The following EBI3 variants were observed in gnomAD, a reference collection of about 807,000 sequenced individuals.
EBI3 encodes Epstein-Barr virus induced 3, also known as interleukin-27 subunit beta.
In EBI3, 19 loss-of-function variants were observed where a neutral mutation model predicts 21.3. The observed-to-expected ratio is 0.89, with a 90% CI of 0.62 to 1.31. The LOEUF (loss-of-function observed/expected upper bound fraction) is 1.31, where lower values mean the gene tolerates loss of function less well. EBI3 is among the 50% of genes most tolerant of loss of function. EBI3 has a pLI of 0.00. For missense variants in EBI3, 331 were observed against 314.0 expected (o/e 1.05, Z -0.41); for synonymous variants, 154 against 131.2 (o/e 1.17, Z -1.19).
At chr19:4,231,048 T>C (rs923146724) in intron 1 of EBI3, 143 bp from the exon 2 acceptor site, 9 of 1,126,078 alleles carry the variant, frequency 8.0e-6, no homozygotes, top group East Asian at 5.9e-5. Context: ...CTTTTGTCCA[T>C]GTACCTATTT....
chr19:4,233,298 G>A lies in EBI3; in HGVS notation c.370G>A (p.Glu124Lys). The A allele has an allele frequency of 6.6e-7, 1 of 1,508,638 alleles. No individual in the cohort carries two copies. Among genetic ancestry groups the A allele is most frequent in the Non-Finnish European group, 9.0e-7 (1 of 1,111,644 alleles). 93.5% of individuals were successfully genotyped at this position (1,508,638 alleles called of 1,614,324 possible). A position where few individuals can be genotyped will look rare whatever the true frequency, so the allele number is the denominator to read the frequency against. ...SSSSFVPFIT[E>K]HIIKPDPPEG... ...CAGCAGCTTCGTGCCTTTCATAACA[G>A]AGCACATCAGTGAGTGGGGGCGGCA... Residue 124 changes from glutamate to lysine, a missense_variant, in exon 3 of 5, where the codon GAG becomes AAG. Transcript: ENST00000221847.
Position 4,237,095 on chromosome 19 carries a change from C to A in EBI3, c.*7C>A. 6.6e-7 allele frequency: 1 copy of A among 1,504,484 alleles called. No homozygotes were observed. Among genetic ancestry groups the A allele is most frequent in the South Asian group, 1.3e-5 (1 of 76,980 alleles). The allele number at this position is 1,504,484 out of a possible 1,614,324, so 93.2% of individuals were successfully genotyped here. A position where few individuals can be genotyped will look rare whatever the true frequency, so the allele number is the denominator to read the frequency against. On this transcript the variant is annotated 3_prime_UTR_variant, in exon 5 of 5. Coordinates refer to ENST00000221847, the MANE Select transcript of EBI3 (RefSeq NM_005755.3). ...AATGAGCCTGGGCAAGTAGCAAGGGCTTCCCGCTGCCTCCAGACAGCACCT... is the reference window on the plus strand; with the variant it reads ...AATGAGCCTGGGCAAGTAGCAAGGGATTCCCGCTGCCTCCAGACAGCACCT...
chr19:4,231,316 A>G lies in EBI3; in HGVS notation c.193A>G (p.Thr65Ala). ...NSTSPVSFIATYRLGMAARGH... is the reference protein window; with the variant it reads ...NSTSPVSFIAAYRLGMAARGH... ...CACCAGCCCCGTGTCCTTCATTGCCACGTACAGGTCGGAGAGCCTGGAAGG... is the reference window on the plus strand; with the variant it reads ...CACCAGCCCCGTGTCCTTCATTGCCGCGTACAGGTCGGAGAGCCTGGAAGG... The change falls in exon 2 of 5, where the codon ACG becomes GCG. Residue 65 changes from threonine to alanine, a missense_variant. Transcript: ENST00000221847. 6.2e-7 allele frequency: 1 copy of G among 1,609,728 alleles called. No homozygotes were observed. The highest frequency in any genetic ancestry group is 1.1e-5 in the South Asian group (1 of 90,758).
chr19:4,233,258 C>T lies in EBI3; in HGVS notation c.330C>T (p.His110=). 6.2e-7 allele frequency: 1 copy of T among 1,612,932 alleles called. No individual in the cohort carries two copies. Among genetic ancestry groups the T allele is most frequent in the Non-Finnish European group, 8.5e-7 (1 of 1,179,770 alleles). ...APYVLNVTAV[H]PWGSSSSFVP... Reference sequence around the variant, plus strand: ...ACGTGCTCAATGTCACCGCCGTCCACCCCTGGGGCTCCAGCAGCAGCTTCG... The same window carrying T: ...ACGTGCTCAATGTCACCGCCGTCCATCCCTGGGGCTCCAGCAGCAGCTTCG... The change falls in exon 3 of 5, where the codon CAC becomes CAT. Residue 110 remains histidine (H), a synonymous_variant. Coordinates refer to ENST00000221847, the MANE Select transcript of EBI3 (RefSeq NM_005755.3).
Position 4,234,670 on chromosome 19 carries a change from A to C in EBI3, c.383A>C (p.Lys128Thr), listed in dbSNP as rs769510715. Residue 128 changes from lysine (K) to threonine (T), a missense_variant, in exon 4 of 5, where the codon AAG becomes ACG. Transcript: ENST00000221847. Reference sequence around the variant, plus strand: ...CTGCTTCCTGCTTGTCCGTCAGTCAAGCCCGACCCTCCAGAAGGCGTGCGC... The same window carrying C: ...CTGCTTCCTGCTTGTCCGTCAGTCACGCCCGACCCTCCAGAAGGCGTGCGC... ...FVPFITEHIIKPDPPEGVRLS... is the reference protein window; with the variant it reads ...FVPFITEHIITPDPPEGVRLS... 1.9e-6 allele frequency: 3 copies of C among 1,612,672 alleles called. No homozygotes were observed. The highest frequency in any genetic ancestry group is 2.2e-5 in the South Asian group (2 of 91,000).
Position 4,229,558 on chromosome 19 carries a change from C to T in EBI3, c.8C>T (p.Pro3Leu), listed in dbSNP as rs200507472. Residue 3 changes from proline to leucine, a missense_variant, in exon 1 of 5, where the codon CCG becomes CTG. Pro to Leu is a moderately conservative substitution (Grantham distance 98). Coordinates refer to ENST00000221847, the MANE Select transcript of EBI3 (RefSeq NM_005755.3). MT[P>L]QLLLALVLWA... Reference sequence around the variant, plus strand: ...GCAGAGCTGGCCGCAGCCATGACCCCGCAGCTTCTCCTGGCCCTTGTCCTC... The same window carrying T: ...GCAGAGCTGGCCGCAGCCATGACCCTGCAGCTTCTCCTGGCCCTTGTCCTC... The T allele has an allele frequency of 3.0e-5, 48 of 1,611,118 alleles. No individual in the cohort carries two copies. Among genetic ancestry groups the T allele is most frequent in the African/African-American group, 1.3e-4 (10 of 75,022 alleles).
Position 4,237,205 on chromosome 19 carries a change from G to A in EBI3, c.*117G>A. 1 of 1,283,624 alleles carries A rather than the reference G, an allele frequency of 7.8e-7. No individual in the cohort carries two copies. The highest frequency in any genetic ancestry group is 1.0e-6 in the Non-Finnish European group (1 of 989,092). 79.5% of individuals were successfully genotyped at this position (1,283,624 alleles called of 1,614,324 possible). ...CCTGGGCTGGAGTCCTTGCTTTGCT[G>A]CTGCTGAGCTGCCGGGCAACCTCAG... On this transcript the variant is annotated 3_prime_UTR_variant, in exon 5 of 5. Transcript: ENST00000221847.
chr19:4,236,543 AGCATGGTT>A (rs1970839969), intron 4 of EBI3, among the ~76,000 whole-genome samples: 1 of 149,674 alleles, frequency 6.7e-6, no homozygotes, highest in African/African-American at 2.5e-5. Context: ...AAAAAAAAAA[AGCATGGTT>A]AATATAGTGG....
intron 3 of EBI3, 59 bp downstream of exon 3, chr19:4,233,366 C>A: frequency 2.7e-6 from 4 of 1,506,396 alleles, no homozygotes; most frequent in Admixed American, 4.1e-5. Context: ...CAGCTCCCCC[C>A]ACCCCACCTC....
At chr19:4,229,730 G>A in intron 1 of EBI3, 113 bp downstream of exon 1, 1 of 1,140,658 alleles carries the variant, frequency 8.8e-7, no homozygotes, top group Non-Finnish European at 1.2e-6. Context: ...CCAATGGTGG[G>A]ATGGGGTTAC....
At chr19:4,232,246 GAAAAGAAAAGAAAAGA>G (rs1970791410) in intron 2 of EBI3, among the ~76,000 whole-genome samples, 1 of 65,852 alleles carries the variant, frequency 1.5e-5, no homozygotes, top group African/African-American at 5.8e-5. Flanking sequence ...AAAAAAAAAA[GAAAAGAAAAGAAAAGA>G]AAAGAAAAGA....
chr19:4,232,796 GAATT>G (rs1367767048), intron 2 of EBI3, among the ~76,000 whole-genome samples: 1 of 148,310 alleles, frequency 6.7e-6, no homozygotes, highest in Non-Finnish European at 1.5e-5. Flanking sequence ...ATGAAGGAAT[GAATT>G]AATGAATGAA....
At position 4,234,700 on chromosome 19, in the gene EBI3, GC is replaced by G. The variant is rs1970820535; in HGVS notation, c.418del (p.Leu140SerfsTer24). 2 of 1,614,122 alleles carry G rather than the reference GC, an allele frequency of 1.2e-6. No homozygotes were observed. Among genetic ancestry groups the G allele is most frequent in the Non-Finnish European group, 1.7e-6 (2 of 1,180,032 alleles). ...GACCCTCCAGAAGGCGTGCGCCTAA[GC>G]CCCCTCGCTGAGCGCCAGCTACAGG... ...KPDPPEGVRL[S>X]PLAERQLQVQ... On this transcript the variant is annotated frameshift_variant, in exon 4 of 5. Coordinates refer to ENST00000221847, the MANE Select transcript of EBI3 (RefSeq NM_005755.3). LOFTEE classifies it high-confidence loss of function.
chr19:4,232,702 C>T (rs1268952258), intron 2 of EBI3, among the ~76,000 whole-genome samples: 4 of 151,910 alleles, frequency 2.6e-5, no homozygotes, highest in African/African-American at 4.8e-5. Context: ...CCAGCCTGGG[C>T]GCCAGAGGGA....
In EBI3 at chr19:4,229,624, G is replaced by A. The variant is rs1377617915; in HGVS notation, c.67+7G>A. 1.9e-6 allele frequency: 3 copies of A among 1,601,696 alleles called. No homozygotes were observed. The highest frequency in any genetic ancestry group is 2.2e-5 in the East Asian group (1 of 44,504). ...CCCTGCAGTGGAAGGAAAGGTATGT[G>A]GGGCCCCTGGGGGACTGGGGGGCCC... On this transcript the variant is annotated splice_region_variant and intron_variant, in intron 1 of 4. Transcript: ENST00000221847.
At chr19:4,231,344 GC>G (rs779731909) in intron 2 of EBI3, 21 bp downstream of exon 2, 1 of 1,590,586 alleles carries the variant, frequency 6.3e-7, no homozygotes. Flanking sequence ...CTGGAAGGGG[GC>G]CTCAGGGACA....
chr19:4,236,918 C>A lies in EBI3; in HGVS notation c.538-18C>A, dbSNP rs766911698. The A allele has an allele frequency of 4.1e-5, 61 of 1,477,512 alleles. No homozygotes were observed. The East Asian group carries it at 1.2e-3, about 28-fold the overall frequency. The allele number at this position is 1,477,512 out of a possible 1,614,324, so 91.5% of individuals were successfully genotyped here. ...CCATCTTCTGGTTCTAGTGACCTGA[C>A]GCTCTCTCTTCTCTCAGGTGGGGCC... On this transcript the variant is annotated intron_variant, in intron 4 of 4. Coordinates refer to ENST00000221847, the MANE Select transcript of EBI3 (RefSeq NM_005755.3).
At chr19:4,232,972 G>A (rs968139682) in intron 2 of EBI3, 157 bp from the exon 3 acceptor site, 5 of 788,552 alleles carry the variant, frequency 6.3e-6, no homozygotes, top group Non-Finnish European at 9.4e-6. Context: ...GCCCCCGGGG[G>A]GTGGCACGGC....
intron 4 of EBI3, among the ~76,000 whole-genome samples, 197 bp from the exon 5 acceptor site, chr19:4,236,739 G>C (rs1970841677): frequency 6.6e-6 from 1 of 152,066 alleles, no homozygotes; most frequent in Admixed American, 6.6e-5. Flanking sequence ...GGTGGCTCTG[G>C]GGGCCACACA....
Sources: gnomAD v4.1 joint callset for allele counts (sites outside exome capture counted in the v4.1 genomes callset) on GRCh38, gnomAD v4.1.1 for gene constraint, MANE v1.5 for transcripts, NCBI Gene and HGNC (gene_info 2026-07-23, HGNC 2026-07-21) for gene names.